The following MDGA2 variants were observed in gnomAD, a reference collection of about 807,000 sequenced individuals.
MDGA2 encodes the protein MAM domain-containing glycosylphosphatidylinositol anchor protein 2.
A neutral mutation model predicts 117.8 loss-of-function variants in MDGA2; 40 were observed. The observed-to-expected ratio is 0.34, with a 90% CI of 0.26 to 0.44. The LOEUF (loss-of-function observed/expected upper bound fraction) is 0.44. MDGA2 is among the 20% of genes least tolerant of loss of function. MDGA2 has a pLI of 1.00. For missense variants in MDGA2, 1,123 were observed against 1,250.6 expected (o/e 0.90, Z 1.54); for synonymous variants, 452 against 439.0 (o/e 1.03, Z -0.37).
chr14:47,341,130 A>T (rs1890609752), intron 1 of MDGA2, among the ~76,000 whole-genome samples: 1 of 152,186 alleles, frequency 6.6e-6, no homozygotes, highest in South Asian at 2.1e-4. Context: ...TAATGTGGCT[A>T]ACTTACATTT....
intron 1 of MDGA2, among the ~76,000 whole-genome samples, chr14:47,355,464 G>C (rs1890973142): frequency 6.6e-6 from 1 of 152,092 alleles, no homozygotes; most frequent in Admixed American, 6.5e-5. Context: ...TCTACAGCTA[G>C]ATCTTTTCTG....
chr14:47,161,782 C>T (rs1001356275), intron 3 of MDGA2, among the ~76,000 whole-genome samples: 5 of 151,758 alleles, frequency 3.3e-5, no homozygotes, highest in African/African-American at 1.2e-4. Context: ...CTGCCAACCT[C>T]AACTCTTATA....
chr14:47,059,257 T>G, intron 7 of MDGA2: 1 of 1,132,674 alleles, frequency 8.8e-7, no homozygotes, highest in Non-Finnish European at 1.2e-6. Flanking sequence ...GCAGACAAAG[T>G]CTCAGACTTT....
At chr14:47,404,167 G>C (rs1405089657) in intron 1 of MDGA2, among the ~76,000 whole-genome samples, 1 of 149,614 alleles carries the variant, frequency 6.7e-6, no homozygotes, top group Non-Finnish European at 1.5e-5. Flanking sequence ...GGTGAGAAAA[G>C]AAATTTATTC....
chr14:47,473,390 T>C (rs1483067624), intron 1 of MDGA2, among the ~76,000 whole-genome samples: 3 of 152,218 alleles, frequency 2.0e-5, no homozygotes, highest in African/African-American at 7.2e-5. Flanking sequence ...GGATTTATCA[T>C]AGCCTTAGCA....
In MDGA2 at chr14:47,098,128, C is replaced by T. The variant is rs540148425; in HGVS notation, c.926-1005G>A. On this transcript the variant is annotated intron_variant, in intron 5 of 16. Coordinates refer to ENST00000399232, the MANE Select transcript of MDGA2 (RefSeq NM_001113498.3). ...AGCTGTATTATATGAAATCAATCTA[C>T]ATCGGAAATATTTAAACTGTTCAAT... 9.4e-4 allele frequency among the ~76,000 whole-genome samples: 143 copies of T among 151,720 alleles called. 1 individual carries two copies. The highest frequency in any genetic ancestry group is 6.8e-3 in the Middle Eastern group (2 of 294).
intron 1 of MDGA2, among the ~76,000 whole-genome samples, chr14:47,541,377 G>A (rs1168995861): frequency 6.6e-6 from 1 of 152,208 alleles, no homozygotes; most frequent in Admixed American, 6.5e-5. Flanking sequence ...GCAGAAAGCA[G>A]TCACAGCAGT....
At chr14:46,863,965 A>G (rs1595003314) in intron 14 of MDGA2, among the ~76,000 whole-genome samples, 2 of 152,158 alleles carry the variant, frequency 1.3e-5, no homozygotes, top group Non-Finnish European at 2.9e-5. Context: ...ATCTCATTTA[A>G]CAAAGCAGTT....
chr14:47,671,122 A>G (rs1898066620), intron 1 of MDGA2, among the ~76,000 whole-genome samples: 2 of 152,196 alleles, frequency 1.3e-5, no homozygotes, highest in African/African-American at 2.4e-5. Flanking sequence ...AATTTATAGG[A>G]CAGAATTATT....
chr14:47,333,550 T>A (rs1890352738), intron 1 of MDGA2, among the ~76,000 whole-genome samples: 1 of 151,884 alleles, frequency 6.6e-6, no homozygotes. Flanking sequence ...AGACAATTTT[T>A]ATTTGTTTCA....
rs370108326 is a variant in MDGA2 at position 47,097,062 on chromosome 14, T to C, written c.987A>G (p.Ile329Met). The change falls in exon 6 of 17, where the codon ATA (isoleucine) becomes ATG (methionine). Residue 329 changes from isoleucine to methionine, a missense_variant. Ile to Met is a conservative substitution (Grantham distance 10, BLOSUM62 1). Around this residue, in one of 2 missense-constraint regions of MDGA2, gnomAD observed 890 missense variants for 1,050.3 expected, o/e 0.85. Coordinates refer to ENST00000399232, the MANE Select transcript of MDGA2 (RefSeq NM_001113498.3). ...CTCCTGTTGTAACACATACTAATGT[T>C]ATGGCCTCTCCAGGATTTACAACTA... ...DPIVVNPGEAITLVCVTTGGE... is the reference protein window; with the variant it reads ...DPIVVNPGEAMTLVCVTTGGE... The C allele has an allele frequency of 1.9e-6, 3 of 1,613,304 alleles. No individual in the cohort carries two copies. Among genetic ancestry groups the C allele is most frequent in the Non-Finnish European group, 8.5e-7 (1 of 1,179,416 alleles).
rs748298417 is a variant in MDGA2, at chr14:47,035,075, C to T, written c.1755G>A (p.Gln585=). 1 of 1,613,496 alleles carries T rather than the reference C, an allele frequency of 6.2e-7. No homozygotes were observed. Among genetic ancestry groups the T allele is most frequent in the Non-Finnish European group, 8.5e-7 (1 of 1,179,964 alleles). The change falls in exon 8 of 17, where the codon CAG becomes CAA. Residue 585 remains glutamine, a synonymous_variant. Transcript: ENST00000399232. ...CGTTAAATCCATTGTATTGGCTGGT[C>T]TGACATCTGTACATTCCTGACATTT... ...SREMSGMYRC[Q]TSQYNGFNVK...
chr14:46,846,704 T>C (rs533952601), intron 15 of MDGA2, among the ~76,000 whole-genome samples: 3 of 152,292 alleles, frequency 2.0e-5, no homozygotes, highest in Admixed American at 6.5e-5. Context: ...TCCCAAATTA[T>C]TCCTTGCTTT....
intron 8 of MDGA2, among the ~76,000 whole-genome samples, chr14:46,984,107 C>T (rs1886781451): frequency 6.6e-6 from 1 of 151,856 alleles, no homozygotes; most frequent in Non-Finnish European, 1.5e-5. Flanking sequence ...ATTCCAACCC[C>T]CAGGGCATAT....
intron 1 of MDGA2, among the ~76,000 whole-genome samples, chr14:47,302,353 A>T (rs1386131639): frequency 6.6e-6 from 1 of 152,216 alleles, no homozygotes; most frequent in Non-Finnish European, 1.5e-5. Flanking sequence ...CTTGCCATCA[A>T]GTAAATTATT....
intron 7 of MDGA2, among the ~76,000 whole-genome samples, chr14:47,043,001 A>T (rs1357297562): frequency 6.6e-6 from 1 of 152,150 alleles, no homozygotes; most frequent in Non-Finnish European, 1.5e-5. Flanking sequence ...GAAAATATTC[A>T]TATAATGATA....
intron 8 of MDGA2, among the ~76,000 whole-genome samples, chr14:47,008,438 G>A (rs1425533074): frequency 1.3e-5 from 2 of 151,794 alleles, no homozygotes; most frequent in Non-Finnish European, 2.9e-5. Context: ...AATATTCCCT[G>A]GACCACCTTG....
intron 2 of MDGA2, among the ~76,000 whole-genome samples, chr14:47,266,497 C>G (rs1420465626): frequency 6.6e-6 from 1 of 152,160 alleles, no homozygotes; most frequent in East Asian, 1.9e-4. Flanking sequence ...TCCTCATGCT[C>G]AATCATTCTT....
chr14:47,207,134 G>A (rs1885714033), intron 3 of MDGA2, among the ~76,000 whole-genome samples: 1 of 151,878 alleles, frequency 6.6e-6, no homozygotes. Flanking sequence ...ATGACATAAG[G>A]TGACCTCTAC....
Sources: allele counts gnomAD v4.1 joint callset (sites outside exome capture counted in the v4.1 genomes callset), GRCh38; gene constraint gnomAD v4.1.1; regional missense constraint gnomAD v4.1.1; transcripts MANE v1.5; gene names NCBI Gene and HGNC (gene_info 2026-07-23, HGNC 2026-07-21).